The following RBMS3 variants were observed in gnomAD, a reference collection of about 807,000 sequenced individuals.
RBMS3 encodes RNA-binding motif, single-stranded-interacting protein 3.
A neutral mutation model predicts 66.8 loss-of-function variants in RBMS3; 27 were observed. The observed-to-expected ratio is 0.40, with a 90% confidence interval of 0.30 to 0.56. RBMS3 has a LOEUF of 0.56. Among genes scored for constraint, RBMS3 ranks in the 20% least tolerant of loss-of-function variants. RBMS3 has a pLI of 0.40. For missense variants in RBMS3, 513 were observed against 549.5 expected, an observed-to-expected ratio of 0.93 and a Z score of 0.66; for synonymous variants, 188 against 183.0, an observed-to-expected ratio of 1.03 and a Z score of -0.22.
At chr3:29,360,131 G>T (rs891538293) in intron 1 of RBMS3, among the ~76,000 whole-genome samples, 13 of 151,950 alleles carry the variant, frequency 8.6e-5, no homozygotes, top group Non-Finnish European at 2.9e-5. Context: ...TCTTTTCATT[G>T]TGATGTTAGG....
At chr3:29,905,815 C>A (rs1352586451) in intron 10 of RBMS3, among the ~76,000 whole-genome samples, 2 of 152,088 alleles carry the variant, frequency 1.3e-5, no homozygotes, top group African/African-American at 2.4e-5. Flanking sequence ...TGTGGGGTCA[C>A]ATTCAAAGCC....
chr3:29,976,509 T>C (rs1697593421), intron 12 of RBMS3, among the ~76,000 whole-genome samples: 1 of 152,206 alleles, frequency 6.6e-6, no homozygotes, highest in South Asian at 2.1e-4. Flanking sequence ...TAGTTCATTA[T>C]CCATTATACA....
intron 4 of RBMS3, among the ~76,000 whole-genome samples, chr3:29,722,196 G>GT (rs2053670154): frequency 6.6e-6 from 1 of 151,980 alleles, no homozygotes; most frequent in South Asian, 2.1e-4. Context: ...TATTTTTTCA[G>GT]TTTTTTCATG....
chr3:29,915,843 A>G (rs2060625570), intron 10 of RBMS3, among the ~76,000 whole-genome samples: 1 of 152,046 alleles, frequency 6.6e-6, no homozygotes, highest in African/African-American at 2.4e-5. Flanking sequence ...GAAGCAAGAA[A>G]CGTAATTCTG....
At chr3:29,464,179 A>G (rs935565164) in intron 2 of RBMS3, among the ~76,000 whole-genome samples, 2 of 152,128 alleles carry the variant, frequency 1.3e-5, no homozygotes, top group Non-Finnish European at 2.9e-5. Flanking sequence ...TCTAAAATAT[A>G]AAGAAATATA....
At chr3:29,520,697 A>T (rs755951532) in intron 3 of RBMS3, among the ~76,000 whole-genome samples, 2 of 152,184 alleles carry the variant, frequency 1.3e-5, no homozygotes, top group Non-Finnish European at 2.9e-5. Flanking sequence ...TGAAGGATGT[A>T]TTATGCTTTA....
intron 1 of RBMS3, among the ~76,000 whole-genome samples, chr3:29,409,790 A>G (rs547529146): frequency 1.3e-5 from 2 of 152,258 alleles, no homozygotes; most frequent in Non-Finnish European, 2.9e-5. Flanking sequence ...CTGCCTATCA[A>G]AATGGCAGAT....
At chr3:29,598,708 T>C (rs1486794616) in intron 4 of RBMS3, among the ~76,000 whole-genome samples, 1 of 152,052 alleles carries the variant, frequency 6.6e-6, no homozygotes, top group African/African-American at 2.4e-5. Flanking sequence ...TTTTCTCTTC[T>C]TCTGTCTCCC....
At chr3:29,451,012 C>T (rs987952847) in intron 2 of RBMS3, among the ~76,000 whole-genome samples, 1 of 151,994 alleles carries the variant, frequency 6.6e-6, no homozygotes, top group African/African-American at 2.4e-5. Flanking sequence ...AAGGTAGGCA[C>T]GGTATTGTCT....
intron 1 of RBMS3, among the ~76,000 whole-genome samples, chr3:29,308,465 C>G (rs574973943): frequency 6.6e-6 from 1 of 151,650 alleles, no homozygotes; most frequent in South Asian, 2.1e-4. Context: ...GGAGCTAAAT[C>G]ACTAAATGGT....
intron 1 of RBMS3, among the ~76,000 whole-genome samples, chr3:29,310,545 A>G (rs1337318381): frequency 4.0e-5 from 6 of 151,376 alleles, no homozygotes; most frequent in South Asian, 4.2e-4. Flanking sequence ...GTGAAATTCT[A>G]AAAACCTTGG....
At chr3:29,920,869 A>G (rs1287026085) in intron 10 of RBMS3, among the ~76,000 whole-genome samples, 5 of 150,770 alleles carry the variant, frequency 3.3e-5, no homozygotes, top group Admixed American at 6.6e-5. Flanking sequence ...AAAAAAAAAA[A>G]AAACCTCAGA....
At chr3:29,968,843 A>G (rs1697038582) in intron 12 of RBMS3, among the ~76,000 whole-genome samples, 1 of 152,202 alleles carries the variant, frequency 6.6e-6, no homozygotes, top group South Asian at 2.1e-4. Context: ...CGGAGCTGCA[A>G]TCTAGTTCTG....
chr3:29,312,832 C>A (rs1442797775), intron 1 of RBMS3, among the ~76,000 whole-genome samples: 1 of 151,658 alleles, frequency 6.6e-6, no homozygotes, highest in Admixed American at 6.6e-5. Context: ...AAACTGTGGA[C>A]TTTAGATAAT....
At chr3:29,854,021 T>C (rs926006059) in intron 6 of RBMS3, among the ~76,000 whole-genome samples, 1 of 152,194 alleles carries the variant, frequency 6.6e-6, no homozygotes, top group African/African-American at 2.4e-5. Context: ...CTGTTTTGTT[T>C]GTTTGTTTGT....
chr3:29,770,540 A>T (rs1468699974), intron 6 of RBMS3, among the ~76,000 whole-genome samples: 1 of 151,936 alleles, frequency 6.6e-6, no homozygotes, highest in Non-Finnish European at 1.5e-5. Flanking sequence ...GAGAAAAGGG[A>T]TGAGGAGGTT....
At chr3:29,646,857 T>G (rs1214525291) in intron 4 of RBMS3, among the ~76,000 whole-genome samples, 2 of 152,160 alleles carry the variant, frequency 1.3e-5, no homozygotes, top group African/African-American at 4.8e-5. Flanking sequence ...TTGGGTAAAG[T>G]GGAGGAGTCT....
chr3:29,813,242 A>T (rs1391471457), intron 6 of RBMS3, among the ~76,000 whole-genome samples: 4 of 152,092 alleles, frequency 2.6e-5, no homozygotes, highest in Non-Finnish European at 5.9e-5. Flanking sequence ...GTCATCATAC[A>T]TGCCTAAGTC....
rs191431910 is a variant in RBMS3, at chr3:29,333,210, A to G, written c.75+51454A>G. Reference sequence around the variant, plus strand: ...AAAGGTTCTGGCAAACTCTAAAACTATATTTAGTCCATCTTTGAATCAATT... The same window carrying G: ...AAAGGTTCTGGCAAACTCTAAAACTGTATTTAGTCCATCTTTGAATCAATT... On this transcript the variant is annotated intron_variant, in intron 1 of 14. Coordinates refer to ENST00000383767, the MANE Select transcript of RBMS3 (RefSeq NM_001003793.3). Among the ~76,000 whole-genome samples the G allele has an allele frequency of 1.6e-3, 241 of 152,292 alleles. 2 individuals carry two copies. Among genetic ancestry groups the G allele is most frequent in the African/African-American group, 5.7e-3 (236 of 41,564 alleles).
Sources: gnomAD v4.1 joint callset for allele counts (sites outside exome capture counted in the v4.1 genomes callset) on GRCh38, gnomAD v4.1.1 for gene constraint, MANE v1.5 for transcripts, NCBI Gene and HGNC (gene_info 2026-07-23, HGNC 2026-07-21) for gene names.